The following SLMAP variants were observed in gnomAD, a reference collection of about 807,000 sequenced individuals.
SLMAP encodes sarcolemmal membrane-associated protein.
SLMAP carries 44 observed loss-of-function variants against 128.8 expected under a neutral mutation model. The ratio of observed to expected loss-of-function variants is 0.34; its 90% confidence interval spans 0.27 to 0.44. The LOEUF (loss-of-function observed/expected upper bound fraction) is 0.44. SLMAP is among the 20% of genes least tolerant of loss of function. The pLI is 1.00. For synonymous variants in SLMAP, 327 were observed against 348.8 expected (o/e 0.94, Z 0.70); for missense variants, 787 against 985.3 (o/e 0.80, Z 2.69).
chr3:57,869,761 A>C (rs1052955937), intron 13 of SLMAP, among the ~76,000 whole-genome samples: 1 of 149,870 alleles, frequency 6.7e-6, no homozygotes, highest in Non-Finnish European at 1.5e-5. Context: ...ATTATTCATA[A>C]AATTTCATAT....
intron 17 of SLMAP, among the ~76,000 whole-genome samples, chr3:57,902,440 TC>T (rs1559499694): frequency 2.0e-5 from 3 of 152,212 alleles, no homozygotes; most frequent in Non-Finnish European, 4.4e-5. Flanking sequence ...GATAGAGTGA[TC>T]ATTATAACAA....
At chr3:57,904,438 A>G (rs1361089987) in intron 17 of SLMAP, among the ~76,000 whole-genome samples, 1 of 152,228 alleles carries the variant, frequency 6.6e-6, no homozygotes, top group Non-Finnish European at 1.5e-5. Context: ...AAAAGAAAAC[A>G]AAACAAAGAA....
intron 2 of SLMAP, among the ~76,000 whole-genome samples, chr3:57,764,773 A>ATT (rs2079345705): frequency 6.6e-6 from 1 of 152,194 alleles, no homozygotes; most frequent in African/African-American, 2.4e-5. Flanking sequence ...TAAATGGTAG[A>ATT]ATTGAGATTT....
rs1425669821 is a variant in SLMAP at position 57,757,839 on chromosome 3, A to C, written c.188A>C (p.Lys63Thr). 1 of 1,614,178 alleles carries C rather than the reference A, an allele frequency of 6.2e-7. No individual in the cohort carries two copies. The highest frequency in any genetic ancestry group is 1.1e-5 in the South Asian group (1 of 91,080). Reference protein sequence around the residue: ...RNHALVWFDHKTGKFYLQDTK... With the variant: ...RNHALVWFDHTTGKFYLQDTK... Reference sequence around the variant, plus strand: ...CACGCTCTCGTCTGGTTTGATCACAAGACGGGCAAGGTAATGTCACCACAT... The same window carrying C: ...CACGCTCTCGTCTGGTTTGATCACACGACGGGCAAGGTAATGTCACCACAT... The change falls in exon 2 of 25, where the codon AAG becomes ACG. Residue 63 changes from lysine (K) to threonine (T), a missense_variant. Physicochemically the swap from Lys to Thr is moderately conservative, Grantham distance 78 (BLOSUM62 -1). Coordinates refer to ENST00000671191, the MANE Select transcript of SLMAP (RefSeq NM_001377540.1).
intron 14 of SLMAP, among the ~76,000 whole-genome samples, chr3:57,872,372 C>T (rs1479643659): frequency 6.6e-6 from 1 of 152,106 alleles, no homozygotes; most frequent in Non-Finnish European, 1.5e-5. Context: ...AATCCTAGCA[C>T]TTTGGGGAGG....
chr3:57,784,765 A>C (rs1466318449), intron 2 of SLMAP, among the ~76,000 whole-genome samples: 32 of 152,258 alleles, frequency 2.1e-4, no homozygotes, highest in Non-Finnish European at 5.9e-5. Context: ...TGTGTTGGAA[A>C]CTTAATCCCC....
intron 2 of SLMAP, among the ~76,000 whole-genome samples, chr3:57,803,617 G>A (rs186830816): frequency 6.6e-6 from 1 of 152,324 alleles, no homozygotes; most frequent in Admixed American, 6.5e-5. Flanking sequence ...AGATAAAACA[G>A]TTTTAGATTC....
intron 14 of SLMAP, among the ~76,000 whole-genome samples, chr3:57,889,105 C>G (rs1358263273): frequency 2.0e-5 from 3 of 152,146 alleles, no homozygotes; most frequent in South Asian, 4.1e-4. Flanking sequence ...AGGATGGTCT[C>G]TGTCTCCTGA....
rs1426798000 is a variant in SLMAP, at chr3:57,906,312, T to TTTTC, written c.1502-1569_1502-1568insCTTT. Among the ~76,000 whole-genome samples, 49 of 114,796 alleles carry TTTTC rather than the reference T, an allele frequency of 4.3e-4. 2 individuals are homozygous for TTTTC. In the East Asian group the frequency reaches 0.01, roughly 24 times the overall value. 75.3% of individuals were successfully genotyped at this position (114,796 alleles called of 152,430 possible). A position where few individuals can be genotyped will look rare whatever the true frequency, so the allele number is the denominator to read the frequency against. On this transcript the variant is annotated intron_variant, in intron 17 of 24. Coordinates refer to ENST00000671191, the MANE Select transcript of SLMAP (RefSeq NM_001377540.1). ...ATCAAATTTTTTTCTTTTTTTTTCT[T>TTTTC]TTTTTTTTTTTTTTTTTTTTAGAGA...
At chr3:57,918,929 C>G (rs2096863414) in intron 22 of SLMAP, among the ~76,000 whole-genome samples, 1 of 152,318 alleles carries the variant, frequency 6.6e-6, no homozygotes, top group East Asian at 1.9e-4. Flanking sequence ...CCCTCTTAAT[C>G]AGGACCAAGC....
intron 4 of SLMAP, among the ~76,000 whole-genome samples, chr3:57,843,775 CTTTTTTTTTTTTT>C (rs775541858): frequency 1.3e-5 from 1 of 77,140 alleles, no homozygotes; most frequent in Non-Finnish European, 2.4e-5. Flanking sequence ...TCTTTTCTTT[CTTTTTTTTTTTTT>C]TTTTTTTTTG....
rs561841916 is a variant in SLMAP at position 57,873,486 on chromosome 3, G to A, written c.1300+1788G>A. On this transcript the variant is annotated intron_variant, in intron 14 of 24. Coordinates refer to ENST00000671191, the MANE Select transcript of SLMAP (RefSeq NM_001377540.1). ...CCACTGCACTCCAGCCTAGGCGACA[G>A]AGTGAGACTCCGTCTCAAAAAAAAA... Among the ~76,000 whole-genome samples the A allele has an allele frequency of 2.2e-3, 328 of 152,192 alleles. 1 individual carries two copies. The highest frequency in any genetic ancestry group is 7.7e-3 in the African/African-American group (318 of 41,520).
chr3:57,802,285 T>G (rs929627555), intron 2 of SLMAP, among the ~76,000 whole-genome samples: 5 of 152,112 alleles, frequency 3.3e-5, no homozygotes, highest in Non-Finnish European at 4.4e-5. Context: ...TGTGTGCTTT[T>G]TTTTTTTTTA....
chr3:57,806,512 A>G (rs2089902221), intron 2 of SLMAP, among the ~76,000 whole-genome samples: 1 of 151,880 alleles, frequency 6.6e-6, no homozygotes, highest in African/African-American at 2.4e-5. Flanking sequence ...ATCTTGGCCC[A>G]CTGCAACCTC....
chr3:57,773,753 C>T (rs557162590), intron 2 of SLMAP, among the ~76,000 whole-genome samples: 14 of 152,228 alleles, frequency 9.2e-5, no homozygotes, highest in African/African-American at 3.4e-4. Flanking sequence ...AGTGAGCAGA[C>T]AAGATTTGAA....
At chr3:57,792,102 T>G (rs1356326217) in intron 2 of SLMAP, among the ~76,000 whole-genome samples, 1 of 152,114 alleles carries the variant, frequency 6.6e-6, no homozygotes, top group Admixed American at 6.5e-5. Flanking sequence ...ACAGAGCACT[T>G]TGATTTGAAG....
intron 2 of SLMAP, among the ~76,000 whole-genome samples, chr3:57,785,324 CT>C (rs2083868119): frequency 6.6e-6 from 1 of 152,092 alleles, no homozygotes; most frequent in African/African-American, 2.4e-5. Flanking sequence ...AAATTTATAC[CT>C]TTTATGCCCA....
chr3:57,816,095 A>T (rs2091817486), intron 2 of SLMAP, among the ~76,000 whole-genome samples: 1 of 152,164 alleles, frequency 6.6e-6, no homozygotes, highest in Non-Finnish European at 1.5e-5. Context: ...ACAATAAGTT[A>T]GAAGGTGATA....
At chr3:57,891,778 T>C (rs1298716499) in intron 15 of SLMAP, among the ~76,000 whole-genome samples, 2 of 152,154 alleles carry the variant, frequency 1.3e-5, no homozygotes, top group Admixed American at 1.3e-4. Context: ...GGTTTCACCA[T>C]GTTGACCAGG....
Sources: allele counts gnomAD v4.1 joint callset (sites outside exome capture counted in the v4.1 genomes callset), GRCh38; gene constraint gnomAD v4.1.1; transcripts MANE v1.5; gene names NCBI Gene and HGNC (gene_info 2026-07-23, HGNC 2026-07-21).